IQGAP1: variants seen among roughly 807,000 people sequenced by gnomAD.
IQGAP1 encodes IQ motif containing GTPase activating protein 1.
IQGAP1 carries 66 observed loss-of-function variants against 215.6 expected under a neutral mutation model. The observed-to-expected ratio is 0.31, with a 90% CI of 0.25 to 0.38. IQGAP1 has a LOEUF of 0.38. Among genes scored for constraint, IQGAP1 ranks in the 10% least tolerant of loss-of-function variants. IQGAP1 has a pLI of 1.00. For missense variants in IQGAP1, 1,712 were observed against 1,997.1 expected, an observed-to-expected ratio of 0.86 and a Z score of 2.72; for synonymous variants, 772 against 728.7, an observed-to-expected ratio of 1.06 and a Z score of -0.96.
Position 90,426,114 on chromosome 15 carries a change from A to G in IQGAP1, c.160A>G (p.Met54Val), listed in dbSNP as rs1965218417. ...LCHLEEAKRW[M>V]EACLGEDLPP... ...ATCCTCTCTCCTTTGGTGCAGGTGG[A>G]TGGAAGCATGCCTAGGGGAAGATCT... Residue 54 changes from methionine (M) to valine (V), a missense_variant, in exon 3 of 38, where the codon ATG becomes GTG. Met to Val is a conservative substitution (Grantham distance 21). Around this residue, in one of 2 missense-constraint regions of IQGAP1, gnomAD observed 1,021 missense variants for 1,074.2 expected, o/e 0.95. Transcript: ENST00000268182. 1.2e-6 allele frequency: 2 copies of G among 1,604,834 alleles called. No individual in the cohort carries two copies. Among genetic ancestry groups the G allele is most frequent in the Non-Finnish European group, 1.7e-6 (2 of 1,176,374 alleles).
chr15:90,414,242 T>A (rs1318070776), intron 2 of IQGAP1, among the ~76,000 whole-genome samples: 1 of 151,414 alleles, frequency 6.6e-6, no homozygotes, highest in Non-Finnish European at 1.5e-5. Flanking sequence ...GGGGAGGGAG[T>A]TGGGGGTTGG....
chr15:90,407,041 G>A (rs944050722), intron 2 of IQGAP1, among the ~76,000 whole-genome samples: 8 of 152,298 alleles, frequency 5.3e-5, no homozygotes, highest in East Asian at 3.9e-4. Flanking sequence ...GATGGATCTC[G>A]TAGTCTAGAG....
intron 26 of IQGAP1, among the ~76,000 whole-genome samples, chr15:90,481,694 G>A (rs1004744343): frequency 1.3e-5 from 2 of 152,144 alleles, no homozygotes; most frequent in Non-Finnish European, 2.9e-5. Flanking sequence ...CCACCAGACT[G>A]TAAAAGACTG....
intron 15 of IQGAP1, among the ~76,000 whole-genome samples, chr15:90,460,734 C>T (rs1039715991): frequency 6.6e-6 from 1 of 152,126 alleles, no homozygotes; most frequent in Non-Finnish European, 1.5e-5. Context: ...TGCAGTGGCT[C>T]ATGCTTGTAA....
At chr15:90,398,387 T>G (rs1964757053) in intron 2 of IQGAP1, among the ~76,000 whole-genome samples, 1 of 152,140 alleles carries the variant, frequency 6.6e-6, no homozygotes, top group Admixed American at 6.5e-5. Flanking sequence ...TGAGATTTCC[T>G]TTTTACTTAA....
At chr15:90,473,625 C>G (rs546033826) in intron 19 of IQGAP1, 90 bp from the exon 20 acceptor site, 8 of 901,230 alleles carry the variant, frequency 8.9e-6, no homozygotes, top group Non-Finnish European at 1.4e-5. Flanking sequence ...TGAAATTGCA[C>G]TTGGATCATG....
intron 17 of IQGAP1, among the ~76,000 whole-genome samples, chr15:90,466,819 C>A (rs927747978): frequency 6.6e-6 from 1 of 152,156 alleles, no homozygotes; most frequent in East Asian, 1.9e-4. Context: ...GGGCCGGGTG[C>A]GGTGGCACAC....
chr15:90,439,237 A>T, intron 5 of IQGAP1, 95 bp from the exon 6 acceptor site: 1 of 800,648 alleles, frequency 1.2e-6, no homozygotes, highest in Non-Finnish European at 2.1e-6. Flanking sequence ...TGTTCAGAAT[A>T]CTTCTATTTT....
intron 2 of IQGAP1, among the ~76,000 whole-genome samples, chr15:90,409,516 AC>A (rs1237423819): frequency 2.6e-4 from 39 of 152,076 alleles, no homozygotes; most frequent in Admixed American, 1.2e-3. Context: ...GGGATTACAG[AC>A]GTGAGCCACT....
chr15:90,477,637 G>C, intron 25 of IQGAP1, 28 bp from the exon 26 acceptor site: 1 of 1,519,732 alleles, frequency 6.6e-7, no homozygotes, highest in South Asian at 1.1e-5. Flanking sequence ...TTTGTGACAA[G>C]TTTAAATTTT....
rs781510789 is a variant in IQGAP1, at chr15:90,487,021, C to T, written c.4092C>T (p.Thr1364=). 3 of 1,614,018 alleles carry T rather than the reference C, an allele frequency of 1.9e-6. No homozygotes were observed. The Admixed American group carries it at 5.0e-5, about 27-fold the overall frequency. ...TGGCTAAGACGGAAGTGTCTCTCAC[C>T]CTGACCAACAAGTTCGACGTGCCTG... ...EALAKTEVSL[T]LTNKFDVPGD... The change falls in exon 32 of 38, where the codon ACC becomes ACT. Residue 1364 remains threonine, a synonymous_variant. Coordinates refer to ENST00000268182, the MANE Select transcript of IQGAP1 (RefSeq NM_003870.4).
intron 2 of IQGAP1, among the ~76,000 whole-genome samples, chr15:90,418,733 A>G (rs1965089672): frequency 6.6e-6 from 1 of 152,198 alleles, no homozygotes; most frequent in African/African-American, 2.4e-5. Context: ...ATGAGGTTAT[A>G]TATTGTGGTG....
chr15:90,461,306 A>AG (rs768524587), intron 15 of IQGAP1, among the ~76,000 whole-genome samples: 41 of 152,166 alleles, frequency 2.7e-4, no homozygotes, highest in Non-Finnish European at 1.6e-4. Context: ...TCTCAAAAAA[A>AG]GAAAAACTGA....
At chr15:90,416,029 A>G (rs1428016212) in intron 2 of IQGAP1, among the ~76,000 whole-genome samples, 1 of 148,206 alleles carries the variant, frequency 6.7e-6, no homozygotes, top group African/African-American at 2.5e-5. Flanking sequence ...TAATTTTTTT[A>G]TTTATTATAC....
Position 90,390,832 on chromosome 15 carries a change from C to A in IQGAP1, c.114C>A (p.Asn38Lys). 6.2e-7 allele frequency: 1 copy of A among 1,612,918 alleles called. No homozygotes were observed. The highest frequency in any genetic ancestry group is 1.1e-5 in the South Asian group (1 of 91,070). Residue 38 changes from asparagine (N) to lysine (K), a missense_variant, in exon 2 of 38, where the codon AAC becomes AAA. By Grantham distance (94) the Asn-to-Lys change is moderately conservative. This residue lies in a region of IQGAP1 where 1,021 missense variants were observed against 1,074.2 expected (regional missense o/e 0.95). Coordinates refer to ENST00000268182, the MANE Select transcript of IQGAP1 (RefSeq NM_003870.4). Reference protein sequence around the residue: ...AEEMDERRRQNVAYEYLCHLE... With the variant: ...AEEMDERRRQKVAYEYLCHLE... ...AGATGGATGAAAGGAGACGTCAGAA[C>A]GTGGCTTATGAGTACCTTTGTCATT...
intron 23 of IQGAP1, among the ~76,000 whole-genome samples, chr15:90,475,922 G>C (rs1965973592): frequency 6.6e-6 from 1 of 151,790 alleles, no homozygotes. Context: ...CCTATGATAA[G>C]TAGTCATAAT....
In IQGAP1 at chr15:90,465,492, C is replaced by T. The variant is rs113003525; in HGVS notation, c.1777-509C>T. On this transcript the variant is annotated intron_variant, in intron 15 of 37. Coordinates refer to ENST00000268182, the MANE Select transcript of IQGAP1 (RefSeq NM_003870.4). ...ATCTTCACCTACATGTGAGCCATTT[C>T]CCTTATCTTATGACCTTTACCAGTT... 8.6e-3 allele frequency among the ~76,000 whole-genome samples: 1,303 copies of T among 152,226 alleles called. 16 individuals carry two copies. Among genetic ancestry groups the T allele is most frequent in the African/African-American group, 0.03 (1,245 of 41,542 alleles).
chr15:90,424,159 C>G (rs756897199), intron 2 of IQGAP1, among the ~76,000 whole-genome samples: 1 of 151,918 alleles, frequency 6.6e-6, no homozygotes, highest in East Asian at 1.9e-4. Flanking sequence ...TAGTTGTTTG[C>G]CAGAATGATT....
intron 5 of IQGAP1, 61 bp downstream of exon 5, chr15:90,433,856 G>GT (rs1378020796): frequency 2.0e-5 from 20 of 977,922 alleles, no homozygotes; most frequent in Middle Eastern, 2.6e-4. Context: ...TGAGTGTGTA[G>GT]TTTTTTATCC....
Sources: allele counts gnomAD v4.1 joint callset (sites outside exome capture counted in the v4.1 genomes callset), GRCh38; gene constraint gnomAD v4.1.1; regional missense constraint gnomAD v4.1.1; transcripts MANE v1.5; gene names NCBI Gene and HGNC (gene_info 2026-07-23, HGNC 2026-07-21).